NRXN1: variants seen among roughly 807,000 people sequenced by gnomAD.
The protein encoded by NRXN1 is neurexin 1, also known as neurexin-1.
Under a neutral mutation model 150.9 loss-of-function variants are expected in NRXN1, and 39 were observed. The ratio of observed to expected loss-of-function variants is 0.26; its 90% CI spans 0.20 to 0.34. NRXN1 has a LOEUF of 0.34. NRXN1 is among the 10% of genes least tolerant of loss of function. The pLI is 1.00. For missense variants in NRXN1, 1,815 were observed against 1,949.9 expected (o/e 0.93, Z 1.30); for synonymous variants, 924 against 757.0 (o/e 1.22, Z -3.62).
chr2:50,464,648 A>G (rs183460620), intron 17 of NRXN1, among the ~76,000 whole-genome samples: 1 of 152,036 alleles, frequency 6.6e-6, no homozygotes, highest in African/African-American at 2.4e-5. Context: ...CACGTATTCT[A>G]TTTTACAACC....
chr2:50,555,942 TAC>T (rs2105362130), intron 8 of NRXN1, among the ~76,000 whole-genome samples: 2 of 152,306 alleles, frequency 1.3e-5, no homozygotes, highest in African/African-American at 4.8e-5. Flanking sequence ...CAGAGGTTTA[TAC>T]ACAAAAATAT....
chr2:50,079,582 A>G (rs1038688833), intron 19 of NRXN1, among the ~76,000 whole-genome samples: 10 of 152,084 alleles, frequency 6.6e-5, no homozygotes, highest in Non-Finnish European at 1.5e-5. Context: ...TTTAGAATTC[A>G]GACTCTTGAA....
chr2:50,041,406 T>TA (rs1690930972), intron 21 of NRXN1, among the ~76,000 whole-genome samples: 1 of 152,178 alleles, frequency 6.6e-6, no homozygotes, highest in Non-Finnish European at 1.5e-5. Flanking sequence ...AATATCAACC[T>TA]TATGCACAGC....
rs148192512 is a variant in NRXN1, at chr2:50,964,354, G to A, written c.773-38399C>T. On this transcript the variant is annotated intron_variant, in intron 2 of 22. Transcript: ENST00000401669. ...CTAAAGCAATAATTTAGTCCCCAGT[G>A]TTAGTTTTGTTCATATACTGTAGCA... Among the ~76,000 whole-genome samples the A allele has an allele frequency of 2.6e-3, 400 of 151,484 alleles. 3 individuals carry two copies. Among genetic ancestry groups the A allele is most frequent in the Non-Finnish European group, 8.0e-4 (54 of 67,522 alleles).
chr2:50,665,351 A>G (rs2104678315), intron 5 of NRXN1, among the ~76,000 whole-genome samples: 1 of 152,100 alleles, frequency 6.6e-6, no homozygotes, highest in Admixed American at 6.6e-5. Flanking sequence ...TTGATCCTGA[A>G]TTTTAAACAG....
intron 17 of NRXN1, among the ~76,000 whole-genome samples, chr2:50,238,382 T>A (rs1014048605): frequency 1.3e-5 from 2 of 152,016 alleles, no homozygotes; most frequent in Non-Finnish European, 2.9e-5. Context: ...CAGTTGTCAG[T>A]CCCATAATCG....
chr2:50,915,944 A>G (rs1685155090), intron 5 of NRXN1, among the ~76,000 whole-genome samples: 2 of 149,256 alleles, frequency 1.3e-5, no homozygotes, highest in Non-Finnish European at 3.0e-5. Flanking sequence ...ACAAATCTGG[A>G]ATATGAACCC....
rs1383140478 is a variant in NRXN1 at position 50,629,286 on chromosome 2, T to G, written c.833-5671A>C. Among the ~76,000 whole-genome samples, 4 of 151,584 alleles carry G rather than the reference T, an allele frequency of 2.6e-5. No homozygotes were observed. The East Asian group carries it at 7.7e-4, about 29-fold the overall frequency. ...CACAATAGAATATTAAATAACAATG[T>G]GAATCTATGAGCTGCAACTGCAACA... On this transcript the variant is annotated intron_variant, in intron 5 of 22. Transcript: ENST00000401669.
chr2:50,501,770 C>T (rs1207369080), intron 13 of NRXN1, among the ~76,000 whole-genome samples: 1 of 152,104 alleles, frequency 6.6e-6, no homozygotes, highest in African/African-American at 2.4e-5. Context: ...AGGAAATCTC[C>T]TTCCTTGGGC....
intron 5 of NRXN1, among the ~76,000 whole-genome samples, chr2:50,813,777 C>A (rs1239062293): frequency 1.3e-5 from 2 of 152,078 alleles, no homozygotes; most frequent in Non-Finnish European, 2.9e-5. Flanking sequence ...TTCCATCTTC[C>A]CGCCACAATC....
At chr2:50,412,740 A>T (rs1430485345) in intron 17 of NRXN1, among the ~76,000 whole-genome samples, 1 of 152,188 alleles carries the variant, frequency 6.6e-6, no homozygotes, top group Non-Finnish European at 1.5e-5. Context: ...CACTCAGGGT[A>T]TGCAGATATA....
At chr2:50,101,988 G>A (rs1238854319) in intron 18 of NRXN1, among the ~76,000 whole-genome samples, 3 of 151,892 alleles carry the variant, frequency 2.0e-5, no homozygotes, top group Non-Finnish European at 4.4e-5. Flanking sequence ...AGGACTAGCT[G>A]TCCGACATCC....
intron 5 of NRXN1, among the ~76,000 whole-genome samples, chr2:50,807,083 T>G (rs938222898): frequency 9.9e-5 from 15 of 152,170 alleles, no homozygotes; most frequent in African/African-American, 3.6e-4. Context: ...TCTAGAGTGT[T>G]ATAGAAAAGC....
intron 5 of NRXN1, among the ~76,000 whole-genome samples, chr2:50,694,934 G>C: frequency 6.6e-6 from 1 of 152,088 alleles, no homozygotes; most frequent in East Asian, 1.9e-4. Context: ...TAACTGATGG[G>C]GCTGAAAGAC....
At chr2:49,954,090 T>G (rs1277544164) in intron 21 of NRXN1, among the ~76,000 whole-genome samples, 1 of 152,134 alleles carries the variant, frequency 6.6e-6, no homozygotes, top group Non-Finnish European at 1.5e-5. Flanking sequence ...GAGCTCCGGA[T>G]AGTGCTTGAA....
At chr2:50,311,493 A>G (rs907189135) in intron 17 of NRXN1, among the ~76,000 whole-genome samples, 1 of 152,140 alleles carries the variant, frequency 6.6e-6, no homozygotes, top group Non-Finnish European at 1.5e-5. Flanking sequence ...ATGCACTGAT[A>G]ATCCGAACCT....
At chr2:50,280,362 A>C (rs983089332) in intron 17 of NRXN1, among the ~76,000 whole-genome samples, 1 of 152,102 alleles carries the variant, frequency 6.6e-6, no homozygotes, top group African/African-American at 2.4e-5. Flanking sequence ...ATTATTAATA[A>C]GATTGTTTTA....
At chr2:49,926,140 T>A in intron 22 of NRXN1, 1 of 387,728 alleles carries the variant, frequency 2.6e-6, no homozygotes, top group East Asian at 3.6e-5. Context: ...ATTTGGAAGC[T>A]AATGATTATT....
intron 21 of NRXN1, chr2:49,973,141 G>A (rs1678250027): frequency 6.6e-6 from 1 of 152,064 alleles, no homozygotes; most frequent in Non-Finnish European, 1.5e-5. Context: ...TACACAAACA[G>A]CAGTTTAGAA....
Sources: gnomAD v4.1 joint callset for allele counts (sites outside exome capture counted in the v4.1 genomes callset) on GRCh38, gnomAD v4.1.1 for gene constraint, MANE v1.5 for transcripts, NCBI Gene and HGNC (gene_info 2026-07-23, HGNC 2026-07-21) for gene names.